SGCD: variants seen among roughly 807,000 people sequenced by gnomAD.
SGCD encodes sarcoglycan delta, also known as delta-sarcoglycan.
In SGCD, 18 loss-of-function variants were observed where a neutral mutation model predicts 36.6. The observed-to-expected ratio is 0.49, with a 90% CI of 0.34 to 0.73. SGCD has a LOEUF of 0.73. Ranked by LOEUF, SGCD falls within the 30% of genes least tolerant of loss-of-function variation. The probability of loss-of-function intolerance (pLI) is 0.01; values close to 1 mark genes in which losing one functional copy is unlikely to be tolerated. For synonymous variants in SGCD, 133 were observed against 130.6 expected (o/e 1.02, Z -0.12); for missense variants, 387 against 346.7 (o/e 1.12, Z -0.92).
chr5:155,891,705 T>A (rs1756135466), intron 1 of SGCD, among the ~76,000 whole-genome samples: 1 of 151,730 alleles, frequency 6.6e-6, no homozygotes, highest in Admixed American at 6.6e-5. Flanking sequence ...AAAATGACAT[T>A]GAAGTTGGTG....
At chr5:156,185,436 G>T (rs113144586) in intron 3 of SGCD, among the ~76,000 whole-genome samples, 1 of 151,790 alleles carries the variant, frequency 6.6e-6, no homozygotes, top group South Asian at 2.1e-4. Context: ...GGATGGTCTC[G>T]ATCTCCTGAC....
Position 156,151,836 on chromosome 5 carries a change from T to G in SGCD, c.-44+27817T>G, listed in dbSNP as rs552108357. 5.3e-4 allele frequency among the ~76,000 whole-genome samples: 80 copies of G among 151,588 alleles called. No homozygotes were observed. The East Asian group carries it at 0.014, about 26-fold the overall frequency. On this transcript the variant is annotated intron_variant, in intron 3 of 9. Transcript: ENST00000517913. ...TTTACATCATTTCTTCTTCTTCTTTTTTTTTTGGTCTGGAAAGATTCCCCT... is the reference window on the plus strand; with the variant it reads ...TTTACATCATTTCTTCTTCTTCTTTGTTTTTTGGTCTGGAAAGATTCCCCT...
chr5:155,974,848 C>T (rs1758078009), intron 1 of SGCD, among the ~76,000 whole-genome samples: 1 of 152,026 alleles, frequency 6.6e-6, no homozygotes, highest in Non-Finnish European at 1.5e-5. Flanking sequence ...TGGCACAACC[C>T]CACCATATCT....
chr5:156,759,046 A>G (rs1260863041), intron 8 of SGCD, among the ~76,000 whole-genome samples, 171 bp from the exon 9 acceptor site: 11 of 152,244 alleles, frequency 7.2e-5, no homozygotes, highest in African/African-American at 1.9e-4. Context: ...CTGTGAAGGT[A>G]GAGACTTTCC....
At chr5:155,842,091 C>G in the SGCD span, among the ~76,000 whole-genome samples, 1 of 151,700 alleles carries the variant, frequency 6.6e-6, no homozygotes, top group Admixed American at 6.6e-5. Context: ...AAGCTAATAT[C>G]TAGAAAAGAA....
At chr5:156,481,022 C>T (rs2127838695) in intron 3 of SGCD, among the ~76,000 whole-genome samples, 1 of 152,296 alleles carries the variant, frequency 6.6e-6, no homozygotes, top group East Asian at 1.9e-4. Flanking sequence ...CAGTTTTGAA[C>T]ATATTTCTGA....
intron 6 of SGCD, among the ~76,000 whole-genome samples, chr5:156,606,885 G>A (rs556575273): frequency 1.3e-5 from 2 of 152,180 alleles, no homozygotes; most frequent in Non-Finnish European, 2.9e-5. Context: ...TGTGATTTTT[G>A]CACATTGACT....
At chr5:156,582,052 G>C (rs1358026837) in intron 4 of SGCD, among the ~76,000 whole-genome samples, 1 of 152,060 alleles carries the variant, frequency 6.6e-6, no homozygotes, top group Non-Finnish European at 1.5e-5. Flanking sequence ...CAGCCGTCTT[G>C]GAATGGACCT....
chr5:156,601,745 G>A (rs763250838), intron 6 of SGCD, among the ~76,000 whole-genome samples: 9 of 152,044 alleles, frequency 5.9e-5, no homozygotes, highest in Admixed American at 1.3e-4. Flanking sequence ...GTGCAGTGGC[G>A]CGATCTTGGC....
intron 4 of SGCD, among the ~76,000 whole-genome samples, chr5:156,576,283 C>T (rs1215279135): frequency 6.6e-6 from 1 of 152,144 alleles, no homozygotes; most frequent in African/African-American, 2.4e-5. Flanking sequence ...CATAGTATTC[C>T]ATGGTGTATA....
the SGCD span, among the ~76,000 whole-genome samples, chr5:155,739,741 G>C: frequency 5.3e-5 from 8 of 152,300 alleles, no homozygotes; most frequent in East Asian, 1.5e-3. Context: ...TGATGGAAGA[G>C]ACTGAGGCAG....
At chr5:156,683,976 T>C (rs1753814383) in intron 7 of SGCD, among the ~76,000 whole-genome samples, 2 of 152,168 alleles carry the variant, frequency 1.3e-5, no homozygotes, top group Non-Finnish European at 2.9e-5. Context: ...GCCCAACAAA[T>C]TTTAACTCAT....
At chr5:156,471,082 TA>T (rs1444972938) in intron 3 of SGCD, among the ~76,000 whole-genome samples, 1 of 152,168 alleles carries the variant, frequency 6.6e-6, no homozygotes, top group East Asian at 1.9e-4. Flanking sequence ...AGGCTATAGG[TA>T]GTATTATTAC....
chr5:156,524,092 T>C (rs1281772962), intron 4 of SGCD, among the ~76,000 whole-genome samples: 2 of 76,128 alleles, frequency 2.6e-5, no homozygotes, highest in Non-Finnish European at 4.9e-5. Flanking sequence ...AGTGAGGTCT[T>C]ACTATATATA....
At chr5:156,514,159 G>T (rs1757058887) in intron 4 of SGCD, among the ~76,000 whole-genome samples, 1 of 152,192 alleles carries the variant, frequency 6.6e-6, no homozygotes. Context: ...TTACTACTTT[G>T]TGAGTAAAGG....
At chr5:156,492,469 G>GA (rs1183260724) in intron 3 of SGCD, among the ~76,000 whole-genome samples, 1 of 151,936 alleles carries the variant, frequency 6.6e-6, no homozygotes, top group Non-Finnish European at 1.5e-5. Context: ...CTCAAGGCAG[G>GA]AAAAAATCCT....
chr5:156,566,649 G>C (rs1308517305), intron 4 of SGCD, among the ~76,000 whole-genome samples: 2 of 151,978 alleles, frequency 1.3e-5, no homozygotes, highest in Non-Finnish European at 2.9e-5. Context: ...ATCTAAAAGA[G>C]AAATATAACA....
chr5:156,123,170 A>T (rs1187695562), intron 2 of SGCD, among the ~76,000 whole-genome samples: 1 of 152,044 alleles, frequency 6.6e-6, no homozygotes, highest in Non-Finnish European at 1.5e-5. Context: ...GAGTCAGTTG[A>T]TTGAGTTTAG....
intron 2 of SGCD, among the ~76,000 whole-genome samples, chr5:156,340,185 C>T (rs953878389): frequency 5.3e-5 from 8 of 152,136 alleles, no homozygotes; most frequent in Middle Eastern, 3.2e-3. Flanking sequence ...ATTCAATGTA[C>T]AATGTATTAT....
Sources: allele counts gnomAD v4.1 joint callset (sites outside exome capture counted in the v4.1 genomes callset), GRCh38; gene constraint gnomAD v4.1.1; transcripts MANE v1.5; gene names NCBI Gene and HGNC (gene_info 2026-07-23, HGNC 2026-07-21).